DYNC2H1: variants seen among roughly 807,000 people sequenced by gnomAD.
DYNC2H1 encodes the protein dynein cytoplasmic 2 heavy chain 1.
A neutral mutation model predicts 570.0 loss-of-function variants in DYNC2H1; 410 were observed. The observed-to-expected ratio is 0.72, with a 90% CI of 0.66 to 0.78. The LOEUF (loss-of-function observed/expected upper bound fraction) is 0.78, where lower values mean the gene tolerates loss of function less well. Among genes scored for constraint, DYNC2H1 ranks in the 30% least tolerant of loss-of-function variants. DYNC2H1 has a pLI of 0.00. For missense variants in DYNC2H1, 4,865 were observed against 5,046.4 expected (o/e 0.96, Z 1.09); for synonymous variants, 1,688 against 1,677.6 (o/e 1.01, Z -0.15).
rs1860202385 is a variant in DYNC2H1 at position 103,145,580 on chromosome 11, G to A, written c.2702+2185G>A. ...AAGAAAAAAAAATAAAAACAACAAT[G>A]CCTATCCCACACTGTATTTTTCATT... On this transcript the variant is annotated intron_variant, in intron 18 of 88. Coordinates refer to ENST00000375735, the MANE Select transcript of DYNC2H1 (RefSeq NM_001377.3). The surrounding 1 kb of genome is among the most constrained non-coding windows in gnomAD (Gnocchi z 4.2). Among the ~76,000 whole-genome samples the A allele has an allele frequency of 6.6e-6, 1 of 151,944 alleles. No individual in the cohort carries two copies. The highest frequency in any genetic ancestry group is 6.6e-5 in the Admixed American group (1 of 15,254).
At chr11:103,426,715 A>C (rs1268041621) in intron 84 of DYNC2H1, among the ~76,000 whole-genome samples, 3 of 152,212 alleles carry the variant, frequency 2.0e-5, no homozygotes, top group African/African-American at 7.2e-5. Flanking sequence ...TGGCTAATTT[A>C]GTATCAAAAA....
chr11:103,156,288 A>G, intron 25 of DYNC2H1, 100 bp from the exon 26 acceptor site: 3 of 1,251,706 alleles, frequency 2.4e-6, no homozygotes, highest in Non-Finnish European at 2.2e-6. Context: ...TTATGGTGAA[A>G]AGCCAGATAA....
At position 103,176,393 on chromosome 11, in the gene DYNC2H1, C is replaced by T; in HGVS notation, c.5833C>T (p.Gln1945Ter). The T allele has an allele frequency of 6.3e-7, 1 of 1,585,478 alleles. No individual in the cohort carries two copies. The highest frequency in any genetic ancestry group is 1.8e-5 in the Admixed American group (1 of 55,516). The change falls in exon 37 of 89, where the codon CAG becomes TAG. Residue 1945 changes from glutamine (Q) to a stop codon, truncating the protein, a stop_gained. Transcript: ENST00000375735. LOFTEE classifies it high-confidence loss of function. Reference protein sequence around the residue: ...EYDELSAALKQVFEEANYEII... With the variant: ...EYDELSAALK ...TGATGAACTAAGTGCTGCATTAAAG[C>T]AGGTCTTTGAAGAGGCCAATTATGA...
At chr11:103,362,857 C>G (rs1409023117) in intron 83 of DYNC2H1, among the ~76,000 whole-genome samples, 1 of 151,950 alleles carries the variant, frequency 6.6e-6, no homozygotes, top group African/African-American at 2.4e-5. Context: ...TGGTGAAACC[C>G]CCATCTCTAC....
chr11:103,291,206 G>A (rs976834699), intron 75 of DYNC2H1, among the ~76,000 whole-genome samples: 13 of 152,186 alleles, frequency 8.5e-5, no homozygotes, highest in Non-Finnish European at 8.8e-5. Context: ...GGGAGGCCAA[G>A]GTGGGCAGAT....
At chr11:103,197,397 C>T (rs1395638149) in intron 47 of DYNC2H1, among the ~76,000 whole-genome samples, 1 of 152,040 alleles carries the variant, frequency 6.6e-6, no homozygotes, top group Non-Finnish European at 1.5e-5. Flanking sequence ...TGCCATCAGT[C>T]ACTTTTCAGG....
At chr11:103,232,880 G>A (rs563255938) in intron 60 of DYNC2H1, among the ~76,000 whole-genome samples, 1 of 84,472 alleles carries the variant, frequency 1.2e-5, no homozygotes, top group African/African-American at 4.7e-5. Context: ...TGAGATTATG[G>A]AAATGTTCTG....
At chr11:103,346,746 T>C (rs1337681006) in intron 82 of DYNC2H1, among the ~76,000 whole-genome samples, 1 of 152,232 alleles carries the variant, frequency 6.6e-6, no homozygotes, top group Non-Finnish European at 1.5e-5. Context: ...TTGTGAATTA[T>C]ATTTCAAGAT....
intron 70 of DYNC2H1, among the ~76,000 whole-genome samples, chr11:103,265,015 G>C (rs1185788165): frequency 5.9e-5 from 9 of 152,164 alleles, no homozygotes; most frequent in African/African-American, 2.2e-4. Flanking sequence ...AGCAACTTCA[G>C]CAAAGTCTCA....
chr11:103,173,396 A>G (rs1207350172), intron 35 of DYNC2H1, 91 bp downstream of exon 35: 3 of 886,870 alleles, frequency 3.4e-6, no homozygotes, highest in South Asian at 2.4e-5. Context: ...TTCTCAATTC[A>G]CCTATTGCAT....
chr11:103,213,415 C>G (rs1252742238), intron 54 of DYNC2H1, among the ~76,000 whole-genome samples: 3 of 151,940 alleles, frequency 2.0e-5, no homozygotes, highest in African/African-American at 7.3e-5. Context: ...AGTGTTTAAA[C>G]TATCAAATAT....
intron 6 of DYNC2H1, among the ~76,000 whole-genome samples, chr11:103,118,268 G>T (rs1858518041): frequency 6.6e-6 from 1 of 151,602 alleles, no homozygotes; most frequent in South Asian, 2.1e-4. Context: ...AGCTTACAGG[G>T]ACAGGCAAAA....
intron 82 of DYNC2H1, among the ~76,000 whole-genome samples, chr11:103,337,436 A>AT (rs1939202194): frequency 6.6e-6 from 1 of 152,088 alleles, no homozygotes; most frequent in Non-Finnish European, 1.5e-5. Flanking sequence ...TAGTATTTCT[A>AT]TTTTTGGTTT....
intron 84 of DYNC2H1, among the ~76,000 whole-genome samples, chr11:103,412,085 T>G (rs962876829): frequency 6.6e-6 from 1 of 152,178 alleles, no homozygotes; most frequent in Non-Finnish European, 1.5e-5. Flanking sequence ...ATTTACTTTC[T>G]AATGAGTTTT....
intron 75 of DYNC2H1, among the ~76,000 whole-genome samples, chr11:103,301,189 T>A (rs541054131): frequency 4.6e-5 from 7 of 152,072 alleles, no homozygotes; most frequent in Admixed American, 4.6e-4. Flanking sequence ...GTAACTTCAG[T>A]TTTAATGTAT....
At chr11:103,132,487 A>G (rs941412036) in intron 13 of DYNC2H1, among the ~76,000 whole-genome samples, 2 of 152,118 alleles carry the variant, frequency 1.3e-5, no homozygotes, top group African/African-American at 4.8e-5. Flanking sequence ...CAGTGTTCAC[A>G]TCTGTTACCT....
At chr11:103,336,482 G>T (rs190132963) in intron 82 of DYNC2H1, among the ~76,000 whole-genome samples, 2 of 139,900 alleles carry the variant, frequency 1.4e-5, no homozygotes, top group East Asian at 4.2e-4. Context: ...CTATCCTCTG[G>T]TAACTGTTAT....
chr11:103,241,466 G>A lies in DYNC2H1; in HGVS notation c.9820-2227G>A, dbSNP rs773605772. On this transcript the variant is annotated intron_variant, in intron 63 of 88. Transcript: ENST00000375735. The surrounding 1 kb of genome is among the most constrained non-coding windows in gnomAD (Gnocchi z 5.1). ...AGTACCCTTTGAAAAACTTAAGCAT[G>A]TTTTCTTTGCTAAAAACATTTTGAA... The A allele has an allele frequency of 4.8e-5, 72 of 1,492,294 alleles. No individual in the cohort carries two copies. The highest frequency in any genetic ancestry group is 6.3e-5 in the Non-Finnish European group (68 of 1,083,874). 92.4% of individuals were successfully genotyped at this position (1,492,294 alleles called of 1,614,324 possible).
intron 83 of DYNC2H1, among the ~76,000 whole-genome samples, chr11:103,374,299 C>T (rs370706444): frequency 6.6e-6 from 1 of 152,124 alleles, no homozygotes; most frequent in Non-Finnish European, 1.5e-5. Context: ...CTCATGAGAT[C>T]TGATGATTTT....
Sources: gnomAD v4.1 joint callset for allele counts (sites outside exome capture counted in the v4.1 genomes callset) on GRCh38, gnomAD v4.1.1 for gene constraint, Gnocchi (gnomAD v3.1) non-coding constraint, MANE v1.5 for transcripts, NCBI Gene and HGNC (gene_info 2026-07-23, HGNC 2026-07-21) for gene names.